The following CLEC16A variants were observed in gnomAD, a reference collection of about 807,000 sequenced individuals.
The protein encoded by CLEC16A is protein CLEC16A.
A neutral mutation model predicts 109.5 loss-of-function variants in CLEC16A; 51 were observed. That is an observed-to-expected ratio of 0.47 (90% CI 0.37 to 0.59). The LOEUF is 0.59. Ranked by LOEUF, CLEC16A falls within the 20% of genes least tolerant of loss-of-function variation. The pLI is 0.00. For synonymous variants in CLEC16A, 673 were observed against 564.2 expected (o/e 1.19, Z -2.73); for missense variants, 1,339 against 1,394.0 (o/e 0.96, Z 0.63).
At chr16:11,145,352 A>C (rs1401542095) in intron 22 of CLEC16A, among the ~76,000 whole-genome samples, 1 of 152,222 alleles carries the variant, frequency 6.6e-6, no homozygotes, top group Non-Finnish European at 1.5e-5. Flanking sequence ...CACTTCCTTG[A>C]GTCACACAGC....
chr16:10,949,289 T>C (rs903574018), intron 1 of CLEC16A, among the ~76,000 whole-genome samples: 6 of 152,162 alleles, frequency 3.9e-5, no homozygotes, highest in African/African-American at 1.4e-4. Context: ...CCACATATTA[T>C]GGGTCCTAGG....
At chr16:11,154,179 C>A (rs1180911616) in intron 22 of CLEC16A, among the ~76,000 whole-genome samples, 1 of 152,194 alleles carries the variant, frequency 6.6e-6, no homozygotes, top group South Asian at 2.1e-4. Context: ...CTGTTCCCTC[C>A]GTCCCCATCC....
intron 23 of CLEC16A, among the ~76,000 whole-genome samples, chr16:11,175,484 G>A (rs2068710404): frequency 6.6e-6 from 1 of 152,130 alleles, no homozygotes. Context: ...CTCAGCACTT[G>A]ACTAGAAAAA....
At chr16:11,028,607 A>ATT (rs150314016) in intron 13 of CLEC16A, among the ~76,000 whole-genome samples, 2 of 151,740 alleles carry the variant, frequency 1.3e-5, no homozygotes, top group African/African-American at 4.8e-5. Flanking sequence ...TTGATCATTG[A>ATT]TTTTTTAAGC....
At chr16:11,102,651 G>T (rs2050987236) in intron 19 of CLEC16A, among the ~76,000 whole-genome samples, 2 of 152,210 alleles carry the variant, frequency 1.3e-5, no homozygotes, top group Admixed American at 6.5e-5. Context: ...GGAAAGGTCG[G>T]TTGCCCTGAC....
At chr16:11,124,241 C>T (rs929241946) in intron 21 of CLEC16A, among the ~76,000 whole-genome samples, 2 of 152,192 alleles carry the variant, frequency 1.3e-5, no homozygotes, top group African/African-American at 4.8e-5. Flanking sequence ...AATTCTCAAG[C>T]ATATGTTAAC....
At chr16:11,035,464 G>A (rs1057435766) in intron 13 of CLEC16A, among the ~76,000 whole-genome samples, 2 of 152,200 alleles carry the variant, frequency 1.3e-5, no homozygotes, top group Non-Finnish European at 2.9e-5. Flanking sequence ...GAAGGTGGAG[G>A]GAAAGAGCGT....
intron 22 of CLEC16A, chr16:11,126,459 G>A: frequency 8.0e-7 from 1 of 1,251,512 alleles, no homozygotes. Context: ...TGCTGAAGTT[G>A]TGGGAGAGTA....
In CLEC16A at chr16:11,027,167, G is replaced by A. The variant is rs920288895; in HGVS notation, c.1537+2246G>A. On this transcript the variant is annotated intron_variant, in intron 13 of 23. Coordinates refer to ENST00000409790, the MANE Select transcript of CLEC16A (RefSeq NM_015226.3). ...AGCAGAAGAAAGGAAAAGGGCTCAG[G>A]TTTAAGCTACTGGAATCATTCCTAC... 8 of 1,409,566 alleles carry A rather than the reference G, an allele frequency of 5.7e-6. No homozygotes were observed. In the African/African-American group the frequency reaches 9.7e-5, roughly 17 times the overall value. 87.3% of individuals were successfully genotyped at this position (1,409,566 alleles called of 1,614,324 possible).
In CLEC16A at chr16:10,954,029, A is replaced by G. The variant is rs2041866815; in HGVS notation, c.81-3753A>G. 6.6e-6 allele frequency among the ~76,000 whole-genome samples: 1 copy of G among 151,978 alleles called. No homozygotes were observed. Among genetic ancestry groups the G allele is most frequent in the African/African-American group, 2.4e-5 (1 of 41,348 alleles). On this transcript the variant is annotated intron_variant, in intron 1 of 23. Coordinates refer to ENST00000409790, the MANE Select transcript of CLEC16A (RefSeq NM_015226.3). This position sits in a 1 kb window ranked among gnomAD's most constrained non-coding sequence, Gnocchi z 4.2. ...GCACAGGCACCTCACAAAAGAAGAT[A>G]TTCAAACAGTCCATAAACATATATG...
At chr16:11,082,506 G>C (rs1274540294) in intron 19 of CLEC16A, among the ~76,000 whole-genome samples, 1 of 152,224 alleles carries the variant, frequency 6.6e-6, no homozygotes, top group African/African-American at 2.4e-5. Flanking sequence ...TGGGGCTACA[G>C]GTAAGACTTG....
In CLEC16A at chr16:11,180,029, G is replaced by C. The variant is rs950462247; in HGVS notation, c.*1339G>C. On this transcript the variant is annotated 3_prime_UTR_variant, in exon 24 of 24. Transcript: ENST00000409790. ...AGGGCCAGCGGCCCCTCACCTCTCT[G>C]GTCACTGGTGAGACCTTCCACAACT... is the stretch of plus-strand genomic sequence containing the variant. 2 of 152,508 alleles carry C rather than the reference G, an allele frequency of 1.3e-5. No homozygotes were observed. Among genetic ancestry groups the C allele is most frequent in the Non-Finnish European group, 2.9e-5 (2 of 68,282 alleles). 9.4% of individuals were successfully genotyped at this position (152,508 alleles called of 1,614,324 possible).
intron 1 of CLEC16A, among the ~76,000 whole-genome samples, chr16:10,950,749 C>T (rs1321602348): frequency 6.6e-6 from 1 of 152,224 alleles, no homozygotes; most frequent in Non-Finnish European, 1.5e-5. Context: ...ACAGGCCAGA[C>T]AGATACAGGC....
intron 3 of CLEC16A, among the ~76,000 whole-genome samples, chr16:10,962,907 A>G (rs3871209): frequency 0.14 from 20,578 of 152,000 alleles, 1,367 homozygotes; most frequent in South Asian, 0.15. Flanking sequence ...AAAACCACAA[A>G]AATTAGCTGG....
At chr16:11,061,079 C>T (rs1447061694) in intron 19 of CLEC16A, 57 bp downstream of exon 19, 4 of 1,514,568 alleles carry the variant, frequency 2.6e-6, no homozygotes, top group African/African-American at 1.4e-5. Flanking sequence ...ACATGGGACA[C>T]CACTCTGCTG....
At chr16:11,094,017 A>G (rs1366036425) in intron 19 of CLEC16A, among the ~76,000 whole-genome samples, 3 of 152,172 alleles carry the variant, frequency 2.0e-5, no homozygotes, top group Admixed American at 1.3e-4. Flanking sequence ...TTTGGACGAC[A>G]GGCAGGTCCT....
intron 19 of CLEC16A, among the ~76,000 whole-genome samples, chr16:11,113,163 C>T (rs1161204597): frequency 6.6e-6 from 1 of 152,206 alleles, no homozygotes; most frequent in African/African-American, 2.4e-5. Flanking sequence ...GGCTTCACGC[C>T]ATCACCTGGT....
rs575018130 is a variant in CLEC16A, at chr16:11,017,721, C to G, written c.1304-2472C>G. ...GAGAAGGGTACTTCCCCTCTGTGGTCCTCCTCCTCAAAACCTGTAACCCCA... is the reference window on the plus strand; with the variant it reads ...GAGAAGGGTACTTCCCCTCTGTGGTGCTCCTCCTCAAAACCTGTAACCCCA... On this transcript the variant is annotated intron_variant, in intron 11 of 23. Transcript: ENST00000409790. Among the ~76,000 whole-genome samples, 12 of 152,198 alleles carry G rather than the reference C, an allele frequency of 7.9e-5. No homozygotes were observed. The South Asian group carries it at 2.3e-3, about 29-fold the overall frequency.
rs59547466 is a variant in CLEC16A, at chr16:10,986,012, A to ATTTTTTTTTT, written c.1071+3048_1071+3057dup. Among the ~76,000 whole-genome samples the ATTTTTTTTTT allele has an allele frequency of 1.2e-3, 51 of 43,454 alleles. 11 individuals are homozygous for ATTTTTTTTTT. The highest frequency in any genetic ancestry group is 3.7e-3 in the African/African-American group (33 of 8,822). The allele number at this position is 43,454 out of a possible 152,430, so 28.5% of individuals were successfully genotyped here. A position where few individuals can be genotyped will look rare whatever the true frequency, so the allele number is the denominator to read the frequency against. ...TGAGACACTGCACCTGGCCTGCAGAATTTTTTTTTTTTTTTTTTTTTTTTT... is the reference window on the plus strand; with the variant it reads ...TGAGACACTGCACCTGGCCTGCAGAATTTTTTTTTTTTTTTTTTTTTTTTTTTTTTTTTTT... On this transcript the variant is annotated intron_variant, in intron 10 of 23. Transcript: ENST00000409790.
Sources: allele counts gnomAD v4.1 joint callset (sites outside exome capture counted in the v4.1 genomes callset), GRCh38; gene constraint gnomAD v4.1.1; non-coding constraint Gnocchi (gnomAD v3.1); transcripts MANE v1.5; gene names NCBI Gene and HGNC (gene_info 2026-07-23, HGNC 2026-07-21).